The following VPS13B variants were observed in gnomAD, a reference collection of about 807,000 sequenced individuals.
The protein encoded by VPS13B is vacuolar protein sorting 13 homolog B, also known as intermembrane lipid transfer protein VPS13B.
VPS13B carries 285 observed loss-of-function variants against 426.4 expected under a neutral mutation model. The ratio of observed to expected loss-of-function variants is 0.67; its 90% CI spans 0.61 to 0.74. VPS13B has a LOEUF of 0.74. Ranked by LOEUF, VPS13B falls within the 30% of genes least tolerant of loss-of-function variation. VPS13B has a pLI of 0.00. For synonymous variants in VPS13B, 1,676 were observed against 1,676.4 expected, an observed-to-expected ratio of 1.00 and a Z score of 0.01; for missense variants, 4,537 against 4,782.6, an observed-to-expected ratio of 0.95 and a Z score of 1.51.
At chr8:99,182,803 C>CTCA (rs1375742949) in intron 16 of VPS13B, among the ~76,000 whole-genome samples, 1 of 152,224 alleles carries the variant, frequency 6.6e-6, no homozygotes, top group African/African-American at 2.4e-5. Flanking sequence ...GTGGTGCAGT[C>CTCA]TCAGCTCACT....
chr8:99,361,084 A>G (rs1812531974), intron 19 of VPS13B, among the ~76,000 whole-genome samples: 1 of 152,220 alleles, frequency 6.6e-6, no homozygotes, highest in Admixed American at 6.5e-5. Context: ...CCACTTCTCA[A>G]TGATCCTCAG....
intron 3 of VPS13B, among the ~76,000 whole-genome samples, chr8:99,055,234 G>T (rs1041703242): frequency 6.6e-6 from 1 of 152,056 alleles, no homozygotes; most frequent in African/African-American, 2.4e-5. Context: ...AGACAAGGTT[G>T]TGCCATGTCG....
chr8:99,873,463 T>C (rs964661737), intron 61 of VPS13B, among the ~76,000 whole-genome samples: 2 of 151,924 alleles, frequency 1.3e-5, no homozygotes, highest in Non-Finnish European at 2.9e-5. Flanking sequence ...TGAAAGAGGG[T>C]TGGGATTAAG....
chr8:99,573,642 C>T (rs1159694676), intron 31 of VPS13B, among the ~76,000 whole-genome samples: 5 of 152,142 alleles, frequency 3.3e-5, no homozygotes, highest in Non-Finnish European at 7.3e-5. Flanking sequence ...GGGCTCTGTT[C>T]TGTTCCATTG....
At chr8:99,501,929 T>TCCCG in intron 26 of VPS13B, 71 bp downstream of exon 26, 1 of 1,300,264 alleles carries the variant, frequency 7.7e-7, no homozygotes. Flanking sequence ...CCTCCCTCCC[T>TCCCG]TCCTTCCTTC....
intron 22 of VPS13B, among the ~76,000 whole-genome samples, chr8:99,438,075 G>C (rs1303806779): frequency 7.4e-6 from 1 of 135,182 alleles, no homozygotes; most frequent in Admixed American, 8.4e-5. Context: ...GTTTTTCTGA[G>C]TGGACTGAAG....
At chr8:99,077,421 C>T (rs546323185) in intron 3 of VPS13B, among the ~76,000 whole-genome samples, 1 of 151,996 alleles carries the variant, frequency 6.6e-6, no homozygotes, top group Non-Finnish European at 1.5e-5. Context: ...CTGCCTGCCT[C>T]GGCCTCCCAA....
chr8:99,507,249 CTGTTT>C, intron 28 of VPS13B, 46 bp downstream of exon 28: 2 of 1,577,294 alleles, frequency 1.3e-6, no homozygotes, highest in Non-Finnish European at 1.7e-6. Context: ...GTACTTTAAA[CTGTTT>C]ATCTTGTTAT....
At chr8:99,234,460 T>C (rs977481785) in intron 17 of VPS13B, 15 of 604,350 alleles carry the variant, frequency 2.5e-5, no homozygotes, top group Non-Finnish European at 3.9e-5. Flanking sequence ...CCACTTTACC[T>C]TGGCCTCGCC....
At chr8:99,312,432 T>C (rs1431832093) in intron 19 of VPS13B, among the ~76,000 whole-genome samples, 1 of 152,240 alleles carries the variant, frequency 6.6e-6, no homozygotes, top group Admixed American at 6.5e-5. Context: ...TTATCAAGCT[T>C]AGTTTGGCTG....
At chr8:99,874,867 C>T (rs762098913) in intron 61 of VPS13B, 1 of 154,450 alleles carries the variant, frequency 6.5e-6, no homozygotes, top group Non-Finnish European at 1.4e-5. Flanking sequence ...TTTTCTCTGG[C>T]TTTAAATCCT....
chr8:99,405,096 A>G (rs1241302382), intron 21 of VPS13B, among the ~76,000 whole-genome samples: 2 of 152,208 alleles, frequency 1.3e-5, no homozygotes, highest in Non-Finnish European at 2.9e-5. Flanking sequence ...AGATGCCTAC[A>G]TAATGAAATT....
chr8:99,654,610 C>T (rs1563846651), intron 34 of VPS13B, among the ~76,000 whole-genome samples: 1 of 152,260 alleles, frequency 6.6e-6, no homozygotes, highest in East Asian at 1.9e-4. Context: ...CTGATAGTGA[C>T]CTCTTATTGC....
intron 34 of VPS13B, among the ~76,000 whole-genome samples, chr8:99,655,613 C>T (rs1829994002): frequency 6.6e-6 from 1 of 152,146 alleles, no homozygotes; most frequent in Non-Finnish European, 1.5e-5. Context: ...TGCTTCCTAG[C>T]CTTCCAAACC....
intron 39 of VPS13B, among the ~76,000 whole-genome samples, chr8:99,746,084 A>G (rs995198601): frequency 2.0e-5 from 3 of 151,838 alleles, no homozygotes; most frequent in African/African-American, 7.3e-5. Flanking sequence ...AAATTGGATT[A>G]TTTGGCCTGT....
chr8:99,462,568 A>G (rs937668635), intron 23 of VPS13B, among the ~76,000 whole-genome samples: 2 of 152,088 alleles, frequency 1.3e-5, no homozygotes, highest in African/African-American at 4.8e-5. Context: ...TAGTTTACAG[A>G]TCTCTAAGAT....
chr8:99,185,177 G>A (rs1286188674), intron 16 of VPS13B, among the ~76,000 whole-genome samples: 1 of 152,166 alleles, frequency 6.6e-6, no homozygotes, highest in Non-Finnish European at 1.5e-5. Flanking sequence ...CAAGTAGGCT[G>A]TAGACATACA....
At position 99,661,365 on chromosome 8, in the gene VPS13B, A is replaced by G; in HGVS notation, c.5920A>G (p.Thr1974Ala). 1 of 1,613,558 alleles carries G rather than the reference A, an allele frequency of 6.2e-7. No individual in the cohort carries two copies. The highest frequency in any genetic ancestry group is 8.5e-7 in the Non-Finnish European group (1 of 1,179,726). ...TTTTGTCACTTTAGATCCTGGGAAG[A>G]CTCTGCCTGAAGCCCTTGATTATTG... ...SDYKCIDPGKTLPEALDYCTV... is the reference protein window; with the variant it reads ...SDYKCIDPGKALPEALDYCTV... Residue 1974 changes from threonine to alanine, a missense_variant, in exon 35 of 62, where the codon ACT becomes GCT. Coordinates refer to ENST00000357162, the MANE Select transcript of VPS13B (RefSeq NM_152564.5).
At position 99,835,478 on chromosome 8, in the gene VPS13B, C is replaced by G; in HGVS notation, c.9743-61C>G. 1.9e-6 allele frequency: 3 copies of G among 1,558,352 alleles called. No individual in the cohort carries two copies. In the South Asian group the frequency reaches 3.4e-5, roughly 17 times the overall value. On this transcript the variant is annotated intron_variant, in intron 53 of 61. Coordinates refer to ENST00000357162, the MANE Select transcript of VPS13B (RefSeq NM_152564.5). ...GAAGTTTCTTTTGCCACATTATGTTCTGTCCCCCAAGTCTCTGTCTTTAAG... is the reference window on the plus strand; with the variant it reads ...GAAGTTTCTTTTGCCACATTATGTTGTGTCCCCCAAGTCTCTGTCTTTAAG...
Sources: gnomAD v4.1 joint callset for allele counts (sites outside exome capture counted in the v4.1 genomes callset) on GRCh38, gnomAD v4.1.1 for gene constraint, MANE v1.5 for transcripts, NCBI Gene and HGNC (gene_info 2026-07-23, HGNC 2026-07-21) for gene names.